The following DIP2C variants were observed in gnomAD, a reference collection of about 807,000 sequenced individuals.
The protein encoded by DIP2C is DIP2 acetate--CoA ligase C (putative), also known as disco-interacting protein 2 homolog C.
A neutral mutation model predicts 192.4 loss-of-function variants in DIP2C; 33 were observed. The observed-to-expected ratio is 0.17, with a 90% CI of 0.13 to 0.23. DIP2C has a LOEUF of 0.23. DIP2C is among the 10% of genes least tolerant of loss of function. The pLI is 1.00. For synonymous variants in DIP2C, 979 were observed against 864.1 expected, an observed-to-expected ratio of 1.13 and a Z score of -2.33; for missense variants, 1,537 against 2,110.1, an observed-to-expected ratio of 0.73 and a Z score of 5.32.
chr10:425,026 GGAT>G (rs745809880), intron 4 of DIP2C, among the ~76,000 whole-genome samples: 59 of 131,708 alleles, frequency 4.5e-4, no homozygotes, highest in Admixed American at 1.3e-3. Flanking sequence ...AATACGACAC[GGAT>G]GATACAGCAT....
At chr10:481,948 T>A (rs1407262046) in intron 2 of DIP2C, among the ~76,000 whole-genome samples, 2 of 152,210 alleles carry the variant, frequency 1.3e-5, no homozygotes, top group Non-Finnish European at 2.9e-5. Context: ...CTCAGGTGAT[T>A]TACATACTGC....
intron 3 of DIP2C, among the ~76,000 whole-genome samples, chr10:468,266 T>G (rs954947388): frequency 8.5e-5 from 13 of 152,130 alleles, no homozygotes; most frequent in African/African-American, 2.9e-4. Context: ...TAGATTCCTG[T>G]AACAGCAAGA....
At chr10:564,995 G>T (rs1849386925) in intron 1 of DIP2C, among the ~76,000 whole-genome samples, 1 of 152,170 alleles carries the variant, frequency 6.6e-6, no homozygotes, top group Non-Finnish European at 1.5e-5. Flanking sequence ...ACCTGGTGAA[G>T]ATGAAGAGTA....
At chr10:339,432 C>T (rs1589532586) in intron 29 of DIP2C, among the ~76,000 whole-genome samples, 1 of 152,128 alleles carries the variant, frequency 6.6e-6, no homozygotes, top group Non-Finnish European at 1.5e-5. Flanking sequence ...CTGGACAAAC[C>T]CTTAAAGAGT....
intron 1 of DIP2C, among the ~76,000 whole-genome samples, chr10:531,601 A>T (rs892559732): frequency 6.6e-6 from 1 of 152,256 alleles, no homozygotes; most frequent in East Asian, 1.9e-4. Flanking sequence ...CTCTGGAGGT[A>T]AAGGCCGAGC....
chr10:304,341 C>T (rs970050522), intron 32 of DIP2C, among the ~76,000 whole-genome samples: 3 of 152,144 alleles, frequency 2.0e-5, no homozygotes, highest in Admixed American at 6.5e-5. Flanking sequence ...ATTTAGGGGA[C>T]ACTGTCTTGG....
chr10:615,458 G>T (rs1313306615), intron 1 of DIP2C, among the ~76,000 whole-genome samples: 1 of 152,124 alleles, frequency 6.6e-6, no homozygotes, highest in Non-Finnish European at 1.5e-5. Context: ...CGCCACTGAG[G>T]AATCAGTCAT....
At chr10:373,329 C>T (rs1244565473) in intron 17 of DIP2C, among the ~76,000 whole-genome samples, 1 of 152,172 alleles carries the variant, frequency 6.6e-6, no homozygotes, top group East Asian at 1.9e-4. Flanking sequence ...ATCCTATGCC[C>T]CACAAATAAC....
At chr10:670,725 T>G (rs922379826) in intron 1 of DIP2C, among the ~76,000 whole-genome samples, 4 of 152,178 alleles carry the variant, frequency 2.6e-5, no homozygotes, top group Admixed American at 2.6e-4. Flanking sequence ...TCTAAAAATA[T>G]AAGATAACAA....
At chr10:471,264 C>T (rs1465714058) in intron 3 of DIP2C, among the ~76,000 whole-genome samples, 2 of 152,072 alleles carry the variant, frequency 1.3e-5, no homozygotes, top group Non-Finnish European at 2.9e-5. Flanking sequence ...CTCTCTGAGG[C>T]CATAAAATCT....
chr10:395,006 C>T (rs537498639), intron 10 of DIP2C, among the ~76,000 whole-genome samples: 13 of 151,634 alleles, frequency 8.6e-5, no homozygotes, highest in South Asian at 2.1e-4. Flanking sequence ...ATTAGGCTGC[C>T]GGAAATAAGC....
At chr10:397,720 G>A (rs920596857) in intron 10 of DIP2C, among the ~76,000 whole-genome samples, 9 of 152,200 alleles carry the variant, frequency 5.9e-5, no homozygotes, top group South Asian at 2.1e-4. Context: ...TACAGTTACC[G>A]TAACTGCTTT....
At chr10:514,910 T>G (rs1046788749) in intron 1 of DIP2C, among the ~76,000 whole-genome samples, 2 of 152,214 alleles carry the variant, frequency 1.3e-5, no homozygotes, top group African/African-American at 4.8e-5. Context: ...TAACCTCATT[T>G]CTGTAGCTAA....
At position 384,782 on chromosome 10, in the gene DIP2C, G is replaced by A; in HGVS notation, c.1663-143C>T. Reference sequence around the variant, plus strand: ...GCAGACACCATGCACACAGGCCCCTGGAGGCTCCTCAGGGTGGGGCTGGCA... The same window carrying A: ...GCAGACACCATGCACACAGGCCCCTAGAGGCTCCTCAGGGTGGGGCTGGCA... On this transcript the variant is annotated intron_variant, in intron 14 of 36. Transcript: ENST00000280886. 3 of 764,704 alleles carry A rather than the reference G, an allele frequency of 3.9e-6. No individual in the cohort carries two copies. In the South Asian group the frequency reaches 5.2e-5, roughly 13 times the overall value. 47.4% of individuals were successfully genotyped at this position (764,704 alleles called of 1,614,324 possible).
At chr10:483,599 T>C (rs550519021) in intron 2 of DIP2C, among the ~76,000 whole-genome samples, 3 of 152,290 alleles carry the variant, frequency 2.0e-5, no homozygotes, top group South Asian at 2.1e-4. Context: ...GCAGATAAAT[T>C]CTGAAATGGA....
chr10:632,101 G>C (rs1854552661), intron 1 of DIP2C, among the ~76,000 whole-genome samples: 1 of 152,224 alleles, frequency 6.6e-6, no homozygotes. Flanking sequence ...ATTCATAAAA[G>C]AGACCATGTG....
intron 23 of DIP2C, among the ~76,000 whole-genome samples, 173 bp downstream of exon 23, chr10:357,653 GGA>G (rs1455243876): frequency 6.6e-6 from 1 of 152,190 alleles, no homozygotes; most frequent in African/African-American, 2.4e-5. Flanking sequence ...GCGCGACATC[GGA>G]GACTGTCGGG....
At chr10:499,790 G>A (rs1307151574) in intron 1 of DIP2C, among the ~76,000 whole-genome samples, 7 of 152,206 alleles carry the variant, frequency 4.6e-5, no homozygotes, top group South Asian at 2.1e-4. Flanking sequence ...GAGCCAAACC[G>A]TATCATGGGC....
chr10:315,929 C>T (rs1956756715), intron 31 of DIP2C, among the ~76,000 whole-genome samples: 1 of 152,206 alleles, frequency 6.6e-6, no homozygotes, highest in Admixed American at 6.5e-5. Flanking sequence ...AGTCTTTCCT[C>T]TGCTGTATCT....
Sources: allele counts gnomAD v4.1 joint callset (sites outside exome capture counted in the v4.1 genomes callset), GRCh38; gene constraint gnomAD v4.1.1; transcripts MANE v1.5; gene names NCBI Gene and HGNC (gene_info 2026-07-23, HGNC 2026-07-21).